The following ARHGEF28 variants were observed in gnomAD, a reference collection of about 807,000 sequenced individuals.
The protein encoded by ARHGEF28 is 190 kDa guanine nucleotide exchange factor.
Under a neutral mutation model 206.6 loss-of-function variants are expected in ARHGEF28, and 152 were observed. The ratio of observed to expected loss-of-function variants is 0.74; its 90% CI spans 0.64 to 0.84. ARHGEF28 has a LOEUF of 0.84. Among genes scored for constraint, ARHGEF28 ranks in the 40% least tolerant of loss-of-function variants. ARHGEF28 has a pLI of 0.00. For missense variants in ARHGEF28, 2,028 were observed against 2,073.2 expected, an observed-to-expected ratio of 0.98 and a Z score of 0.42; for synonymous variants, 763 against 776.4, an observed-to-expected ratio of 0.98 and a Z score of 0.29.
At chr5:73,804,082 C>CTCTAA (rs1755294056) in intron 9 of ARHGEF28, among the ~76,000 whole-genome samples, 1 of 64,314 alleles carries the variant, frequency 1.6e-5, no homozygotes, top group Non-Finnish European at 2.7e-5. Context: ...GAGACCCTGT[C>CTCTAA]AAAAAAAAAA....
chr5:73,877,915 A>G (rs1760636713), intron 22 of ARHGEF28, among the ~76,000 whole-genome samples: 1 of 152,102 alleles, frequency 6.6e-6, no homozygotes, highest in Admixed American at 6.6e-5. Flanking sequence ...TTTGGGGTGG[A>G]GAGTTCTGTA....
At chr5:73,785,999 A>G (rs1281232851) in intron 7 of ARHGEF28, among the ~76,000 whole-genome samples, 2 of 149,802 alleles carry the variant, frequency 1.3e-5, no homozygotes, top group Non-Finnish European at 3.0e-5. Context: ...CCATCCATTC[A>G]GTAAATATGT....
intron 35 of ARHGEF28, among the ~76,000 whole-genome samples, chr5:73,940,300 T>A (rs1244480782): frequency 2.0e-5 from 3 of 152,360 alleles, no homozygotes; most frequent in African/African-American, 7.2e-5. Context: ...CTGGCTGCTC[T>A]TGCTGAGTAC....
chr5:73,680,144 AT>A, intron 1 of ARHGEF28, among the ~76,000 whole-genome samples: 1 of 152,220 alleles, frequency 6.6e-6, no homozygotes, highest in Admixed American at 6.5e-5. Flanking sequence ...TATTAAAAAA[AT>A]AATTCACAGC....
At chr5:73,827,018 A>G (rs1328439733) in intron 9 of ARHGEF28, among the ~76,000 whole-genome samples, 1 of 152,162 alleles carries the variant, frequency 6.6e-6, no homozygotes, top group Admixed American at 6.5e-5. Context: ...TTAGTTTCTG[A>G]AATCTTGCCT....
At chr5:73,882,297 TTC>T (rs1165933008) in intron 22 of ARHGEF28, among the ~76,000 whole-genome samples, 173 bp from the exon 23 acceptor site, 1 of 152,162 alleles carries the variant, frequency 6.6e-6, no homozygotes, top group African/African-American at 2.4e-5. Context: ...CTCAACAACT[TTC>T]TTTTATTTTA....
chr5:73,713,625 G>A (rs1749388577), intron 2 of ARHGEF28, among the ~76,000 whole-genome samples: 1 of 152,128 alleles, frequency 6.6e-6, no homozygotes, highest in Non-Finnish European at 1.5e-5. Flanking sequence ...CAGAAGTCTG[G>A]AAACACAGAA....
chr5:73,850,250 T>G (rs1281782940), intron 13 of ARHGEF28, among the ~76,000 whole-genome samples: 1 of 151,958 alleles, frequency 6.6e-6, no homozygotes. Context: ...GCTACCATGA[T>G]TTTTGTTTTC....
intron 1 of ARHGEF28, among the ~76,000 whole-genome samples, chr5:73,675,942 G>A (rs1746645597): frequency 6.6e-6 from 1 of 151,854 alleles, no homozygotes; most frequent in Admixed American, 6.6e-5. Context: ...GGAATGGATA[G>A]AACGTGAACC....
intron 2 of ARHGEF28, among the ~76,000 whole-genome samples, chr5:73,746,471 G>T (rs2112388757): frequency 6.6e-6 from 1 of 152,116 alleles, no homozygotes; most frequent in South Asian, 2.1e-4. Flanking sequence ...TATGAATAAA[G>T]ACTGGAAGAG....
chr5:73,920,890 T>C (rs1371784314), intron 35 of ARHGEF28, among the ~76,000 whole-genome samples: 3 of 152,232 alleles, frequency 2.0e-5, no homozygotes, highest in African/African-American at 7.2e-5. Context: ...TGTAGGAAGA[T>C]GACACATTTA....
In ARHGEF28 at chr5:73,867,915, T is replaced by G. The variant is rs568489494; in HGVS notation, c.2192T>G (p.Leu731Trp). ...GACATCCCACAGCCTGGTCTCTCCT[T>G]GCACCCTTCTTCCTCCGTGCCTGTT... Reference protein sequence around the residue: ...FRDIPQPGLSLHPSSSVPVGL... With the variant: ...FRDIPQPGLSWHPSSSVPVGL... The change falls in exon 19 of 36, where the codon TTG (leucine) becomes TGG (tryptophan). Residue 731 changes from leucine (L) to tryptophan (W), a missense_variant. By Grantham distance (61) the Leu-to-Trp change is moderately conservative. This residue lies in a region of ARHGEF28 where 1,002 missense variants were observed against 1,015.3 expected (regional missense o/e 0.99). Coordinates refer to ENST00000513042, the MANE Select transcript of ARHGEF28 (RefSeq NM_001177693.2). 1 of 1,613,990 alleles carries G rather than the reference T, an allele frequency of 6.2e-7. No homozygotes were observed. The highest frequency in any genetic ancestry group is 1.3e-5 in the African/African-American group (1 of 75,056).
At chr5:73,816,293 G>A (rs1756207157) in intron 9 of ARHGEF28, among the ~76,000 whole-genome samples, 2 of 152,118 alleles carry the variant, frequency 1.3e-5, no homozygotes, top group African/African-American at 4.8e-5. Flanking sequence ...GCCAGTTTGT[G>A]AACTGTAGTC....
At chr5:73,809,096 G>C (rs1322050870) in intron 9 of ARHGEF28, among the ~76,000 whole-genome samples, 5 of 151,906 alleles carry the variant, frequency 3.3e-5, no homozygotes, top group African/African-American at 9.7e-5. Flanking sequence ...CAGCTACTTG[G>C]GAAGCTGAGG....
At chr5:73,926,097 T>C (rs1763785115) in intron 35 of ARHGEF28, among the ~76,000 whole-genome samples, 1 of 152,234 alleles carries the variant, frequency 6.6e-6, no homozygotes, top group Non-Finnish European at 1.5e-5. Context: ...AACGTGATTT[T>C]CCTGGTGTCC....
At position 73,854,042 on chromosome 5, in the gene ARHGEF28, G is replaced by T. The variant is rs2931438; in HGVS notation, c.1790+1350G>T. ...TCTGTCACTCTTGTTTTTGTTTTCT[G>T]TTCCTTTCTATTCTTTAATCTTTCT... On this transcript the variant is annotated intron_variant, in intron 14 of 35. Coordinates refer to ENST00000513042, the MANE Select transcript of ARHGEF28 (RefSeq NM_001177693.2). Among the ~76,000 whole-genome samples the T allele has an allele frequency of 2.0e-5, 3 of 151,790 alleles. No homozygotes were observed. In the East Asian group the frequency reaches 5.8e-4, roughly 30 times the overall value.
chr5:73,845,973 A>G (rs1758311379), intron 11 of ARHGEF28, among the ~76,000 whole-genome samples: 1 of 148,878 alleles, frequency 6.7e-6, no homozygotes, highest in African/African-American at 2.5e-5. Flanking sequence ...AGGCAACAAG[A>G]ACAAAACTGT....
chr5:73,741,606 A>T (rs1294408829), intron 2 of ARHGEF28, among the ~76,000 whole-genome samples: 1 of 150,524 alleles, frequency 6.6e-6, no homozygotes, highest in African/African-American at 2.5e-5. Flanking sequence ...TTTTTAGTAG[A>T]GATGGGGTTT....
At chr5:73,890,694 C>T (rs141381898) in intron 26 of ARHGEF28, among the ~76,000 whole-genome samples, 107 of 152,306 alleles carry the variant, frequency 7.0e-4, no homozygotes, top group African/African-American at 2.5e-3. Flanking sequence ...GCCGACAAGC[C>T]AGCACCAAGG....
Sources: gnomAD v4.1 joint callset for allele counts (sites outside exome capture counted in the v4.1 genomes callset) on GRCh38, gnomAD v4.1.1 for gene constraint, gnomAD v4.1.1 regional missense constraint, MANE v1.5 for transcripts, NCBI Gene and HGNC (gene_info 2026-07-23, HGNC 2026-07-21) for gene names.